Variants in WARS1 observed in about 807,000 individuals in gnomAD.
WARS1 encodes the protein tryptophan--tRNA ligase, cytoplasmic.
In WARS1, 17 loss-of-function variants were observed where a neutral mutation model predicts 47.8. The ratio of observed to expected loss-of-function variants is 0.36; its 90% confidence interval spans 0.24 to 0.53. The LOEUF (loss-of-function observed/expected upper bound fraction) is 0.53. WARS1 is among the 20% of genes least tolerant of loss of function. The pLI is 0.91. For synonymous variants in WARS1, 208 were observed against 228.1 expected, an observed-to-expected ratio of 0.91 and a Z score of 0.79; for missense variants, 434 against 608.0, an observed-to-expected ratio of 0.71 and a Z score of 3.01.
chr14:100,360,730 A>C (rs1486164216), intron 3 of WARS1, 68 bp from the exon 4 acceptor site: 8 of 1,204,040 alleles, frequency 6.6e-6, no homozygotes, highest in African/African-American at 1.5e-5. Flanking sequence ...TACTGAAATG[A>C]AGATGAAAAG....
chr14:100,371,726 C>T (rs1896363825), intron 1 of WARS1, among the ~76,000 whole-genome samples: 1 of 152,042 alleles, frequency 6.6e-6, no homozygotes, highest in Admixed American at 6.6e-5. Flanking sequence ...CAGAGAGAGA[C>T]TCTGTCTCAA....
At chr14:100,365,888 G>T in intron 2 of WARS1, 1 of 384,052 alleles carries the variant, frequency 2.6e-6, no homozygotes, top group South Asian at 1.9e-5. Flanking sequence ...ATACTGGAAG[G>T]TGACCGAGTG....
chr14:100,366,485 C>CT (rs1896004102), intron 2 of WARS1: 2 of 415,760 alleles, frequency 4.8e-6, no homozygotes, highest in East Asian at 1.1e-4. Flanking sequence ...AGAATTGCCT[C>CT]TAATATGAAA....
intron 10 of WARS1, among the ~76,000 whole-genome samples, chr14:100,335,922 C>CT (rs1229414538): frequency 6.6e-6 from 1 of 151,778 alleles, no homozygotes; most frequent in Non-Finnish European, 1.5e-5. Context: ...ATTTGGTATC[C>CT]TTTTTTCACT....
chr14:100,363,475 C>T (rs1356502929), intron 2 of WARS1, among the ~76,000 whole-genome samples: 6 of 152,056 alleles, frequency 3.9e-5, no homozygotes, highest in African/African-American at 1.2e-4. Context: ...GCGGGCGGAT[C>T]GCCTGAGCTC....
upstream of WARS1, chr14:100,375,442 C>A (rs916316506): frequency 4.6e-5 from 7 of 152,250 alleles, no homozygotes; most frequent in African/African-American, 1.4e-4. Context: ...GTTCTCCCCA[C>A]CCTGCATTCA....
intron 1 of WARS1, among the ~76,000 whole-genome samples, chr14:100,370,880 C>T (rs1260285109): frequency 6.6e-6 from 1 of 151,946 alleles, no homozygotes; most frequent in African/African-American, 2.4e-5. Flanking sequence ...GAGTTCGAGG[C>T]TTCAGTGAGC....
chr14:100,360,040 C>G (rs556631036), intron 4 of WARS1, among the ~76,000 whole-genome samples: 1 of 152,272 alleles, frequency 6.6e-6, no homozygotes, highest in South Asian at 2.1e-4. Flanking sequence ...GGCAGAAACT[C>G]TTTTGGAACC....
intron 6 of WARS1, among the ~76,000 whole-genome samples, chr14:100,351,278 C>G (rs970680847): frequency 6.6e-6 from 1 of 152,122 alleles, no homozygotes; most frequent in Non-Finnish European, 1.5e-5. Context: ...GCAGAACCCA[C>G]AGTTGTCTCT....
intron 7 of WARS1, among the ~76,000 whole-genome samples, chr14:100,344,229 C>T (rs1225726963): frequency 4.6e-5 from 7 of 152,058 alleles, no homozygotes; most frequent in African/African-American, 9.7e-5. Flanking sequence ...ATTGCAGGCG[C>T]GCGCCGCCAC....
intron 9 of WARS1, chr14:100,340,021 T>C (rs567478999): frequency 1.3e-5 from 2 of 152,276 alleles, no homozygotes; most frequent in South Asian, 2.1e-4. Flanking sequence ...ATGCATTTTA[T>C]CCCCAACAAC....
chr14:100,353,574 G>A, intron 6 of WARS1, 113 bp downstream of exon 6: 1 of 1,300,870 alleles, frequency 7.7e-7, no homozygotes, highest in Non-Finnish European at 1.1e-6. Context: ...AAAGGAAGAA[G>A]AACATTTACT....
chr14:100,364,513 A>C (rs1263846169), intron 2 of WARS1, among the ~76,000 whole-genome samples: 1 of 152,180 alleles, frequency 6.6e-6, no homozygotes. Flanking sequence ...TAATTTTTAA[A>C]ATTTCCAAAA....
chr14:100,348,753 C>A (rs1894786015), intron 6 of WARS1, among the ~76,000 whole-genome samples: 1 of 152,168 alleles, frequency 6.6e-6, no homozygotes, highest in African/African-American at 2.4e-5. Context: ...ACACCCTAAC[C>A]CCTACAAGGA....
Position 100,334,985 on chromosome 14 carries a change from C to G in WARS1, c.1306G>C (p.Glu436Gln). The G allele has an allele frequency of 6.2e-7, 1 of 1,614,200 alleles. No homozygotes were observed. The highest frequency in any genetic ancestry group is 8.5e-7 in the Non-Finnish European group (1 of 1,180,024). Residue 436 changes from glutamate to glutamine, a missense_variant, in exon 11 of 11, where the codon GAG becomes CAG. Coordinates refer to ENST00000392882, the MANE Select transcript of WARS1 (RefSeq NM_004184.4). Reference sequence around the variant, plus strand: ...TCTGCGATCAAGGGCTGCAGAACCTCTATGAGTGCCTTCTTGAGCTCACCG... The same window carrying G: ...TCTGCGATCAAGGGCTGCAGAACCTGTATGAGTGCCTTCTTGAGCTCACCG... ...LTGELKKALIEVLQPLIAEHQ... is the reference protein window; with the variant it reads ...LTGELKKALIQVLQPLIAEHQ...
intron 6 of WARS1, 45 bp downstream of exon 6, chr14:100,353,642 T>C: frequency 6.3e-7 from 1 of 1,592,288 alleles, no homozygotes; most frequent in Non-Finnish European, 8.6e-7. Context: ...CAACTTGACA[T>C]CCTCCTCTAC....
At chr14:100,345,050 C>A (rs1266001097) in intron 7 of WARS1, among the ~76,000 whole-genome samples, 1 of 18,180 alleles carries the variant, frequency 5.5e-5, no homozygotes, top group East Asian at 2.9e-3. Context: ...AGGGAGGTGG[C>A]GGGGTCAGCC....
At chr14:100,362,680 T>G (rs1224914706) in intron 2 of WARS1, among the ~76,000 whole-genome samples, 1 of 152,226 alleles carries the variant, frequency 6.6e-6, no homozygotes, top group East Asian at 1.9e-4. Flanking sequence ...TGCTATGCCC[T>G]AAAGCTCTAT....
chr14:100,363,573 T>C lies in WARS1; in HGVS notation c.100-1652A>G, dbSNP rs529725241. On this transcript the variant is annotated intron_variant, in intron 2 of 10. Transcript: ENST00000392882. ...TTAGCCAGGTGTGGTGGCACACACC[T>C]GTGTTCCTAGCTCATCGGGAGGCTG... Among the ~76,000 whole-genome samples, 45 of 152,146 alleles carry C rather than the reference T, an allele frequency of 3.0e-4. No individual in the cohort carries two copies. The South Asian group carries it at 4.6e-3, about 15-fold the overall frequency.
Sources: allele counts gnomAD v4.1 joint callset (sites outside exome capture counted in the v4.1 genomes callset), GRCh38; gene constraint gnomAD v4.1.1; transcripts MANE v1.5; gene names NCBI Gene and HGNC (gene_info 2026-07-23, HGNC 2026-07-21).